The following EIF4B variants were observed in gnomAD, a reference collection of about 807,000 sequenced individuals.
EIF4B encodes the protein eukaryotic translation initiation factor 4B.
EIF4B carries 8 observed loss-of-function variants against 79.3 expected under a neutral mutation model. The ratio of observed to expected loss-of-function variants is 0.10; its 90% CI spans 0.06 to 0.18. The LOEUF is 0.18. EIF4B is among the 10% of genes least tolerant of loss of function. The pLI is 1.00. For missense variants in EIF4B, 515 were observed against 792.4 expected, an observed-to-expected ratio of 0.65 and a Z score of 4.20; for synonymous variants, 238 against 274.7, an observed-to-expected ratio of 0.87 and a Z score of 1.32.
At chr12:53,014,873 G>T (rs1212403411) in intron 1 of EIF4B, 2 of 152,190 alleles carry the variant, frequency 1.3e-5, no homozygotes, top group East Asian at 3.8e-4. Flanking sequence ...TATCAGGCCA[G>T]TTCTGGAACT....
At chr12:53,018,235 A>G (rs1943179510) in intron 2 of EIF4B, among the ~76,000 whole-genome samples, 1 of 152,192 alleles carries the variant, frequency 6.6e-6, no homozygotes, top group Admixed American at 6.5e-5. Context: ...GTGATCACCC[A>G]CCTTGGCCTC....
intron 6 of EIF4B, among the ~76,000 whole-genome samples, chr12:53,024,571 T>G (rs895081201): frequency 2.0e-5 from 3 of 152,252 alleles, no homozygotes; most frequent in Non-Finnish European, 4.4e-5. Context: ...TTCATAAGTT[T>G]GTTATAATGG....
At chr12:53,022,446 A>G in intron 5 of EIF4B, 47 bp from the exon 6 acceptor site, 1 of 1,602,930 alleles carries the variant, frequency 6.2e-7, no homozygotes, top group Non-Finnish European at 8.5e-7. Flanking sequence ...ATATTGGGCA[A>G]AGTTTTTATG....
chr12:53,034,472 A>G (rs1181386827), intron 9 of EIF4B, 140 bp from the exon 10 acceptor site: 11 of 809,794 alleles, frequency 1.4e-5, no homozygotes, highest in Non-Finnish European at 2.2e-5. Flanking sequence ...GTAGCTTTCA[A>G]ATAGTTTGAG....
intron 9 of EIF4B, 138 bp from the exon 10 acceptor site, chr12:53,034,474 T>C (rs564124953): frequency 2.8e-5 from 23 of 811,956 alleles, no homozygotes; most frequent in Non-Finnish European, 4.0e-5. Flanking sequence ...AGCTTTCAAA[T>C]AGTTTGAGGG....
intron 6 of EIF4B, among the ~76,000 whole-genome samples, chr12:53,027,025 C>T (rs1036434929): frequency 6.6e-6 from 1 of 151,088 alleles, no homozygotes; most frequent in Non-Finnish European, 1.5e-5. Context: ...TGTTACGGCT[C>T]AGGCCTATAA....
chr12:53,006,632 G>C (rs1942964606), intron 1 of EIF4B, 136 bp downstream of exon 1: 2 of 1,507,080 alleles, frequency 1.3e-6, no homozygotes, highest in East Asian at 2.3e-5. Context: ...GGCTGGCGGC[G>C]TGGCCCTGTT....
chr12:53,027,772 T>C lies in EIF4B; in HGVS notation c.668-10T>C, dbSNP rs1346728033. The C allele has an allele frequency of 5.0e-6, 8 of 1,610,530 alleles. No individual in the cohort carries two copies. In the East Asian group the frequency reaches 1.8e-4, roughly 36 times the overall value. ...AAAAGGGGATGGTGTTACTTGTCTG[T>C]TTCCTCTAGAGTATCGAGATCGTTA... On this transcript the variant is annotated splice_polypyrimidine_tract_variant and intron_variant, in intron 6 of 14. Transcript: ENST00000262056.
intron 11 of EIF4B, 24 bp downstream of exon 11, chr12:53,037,646 T>C: frequency 1.9e-6 from 3 of 1,611,798 alleles, no homozygotes; most frequent in Non-Finnish European, 2.5e-6. Context: ...GAAACAGTAG[T>C]TGGTTAACTG....
intron 9 of EIF4B, 95 bp downstream of exon 9, chr12:53,034,129 T>A (rs1186636226): frequency 7.8e-7 from 1 of 1,289,918 alleles, no homozygotes; most frequent in Non-Finnish European, 1.1e-6. Context: ...TGTGTCGTTA[T>A]CACATTAGTG....
intron 1 of EIF4B, among the ~76,000 whole-genome samples, chr12:53,006,723 C>G (rs1467578823): frequency 6.6e-6 from 1 of 151,646 alleles, no homozygotes; most frequent in Non-Finnish European, 1.5e-5. Context: ...CCTTTCTGCG[C>G]GAGATTGGAA....
intron 6 of EIF4B, among the ~76,000 whole-genome samples, chr12:53,024,778 C>T (rs1314376790): frequency 1.3e-5 from 2 of 152,154 alleles, no homozygotes; most frequent in Non-Finnish European, 2.9e-5. Flanking sequence ...GCCTCAGCCT[C>T]CTGAGTAGCT....
intron 1 of EIF4B, chr12:53,008,732 G>C (rs979363822): frequency 6.6e-6 from 1 of 152,106 alleles, no homozygotes; most frequent in African/African-American, 2.4e-5. Flanking sequence ...TCCTTGCTTT[G>C]CTTCTTAAAA....
intron 1 of EIF4B, chr12:53,013,713 G>C (rs891710486): frequency 2.6e-5 from 4 of 152,072 alleles, no homozygotes; most frequent in Admixed American, 6.6e-5. Context: ...CTTGAACCTG[G>C]GAGGCAGAGG....
chr12:53,019,014 T>C lies in EIF4B; in HGVS notation c.360+8T>C. 1 of 1,612,552 alleles carries C rather than the reference T, an allele frequency of 6.2e-7. No homozygotes were observed. Among genetic ancestry groups the C allele is most frequent in the Admixed American group, 1.7e-5 (1 of 59,930 alleles). On this transcript the variant is annotated splice_region_variant and intron_variant, in intron 3 of 14. Transcript: ENST00000262056. The stretch of plus-strand genomic sequence containing the variant: ...TTCTTTCGAGGATTAAATGTAAGTG[T>C]AAAAGTTGTAATAATTAACTAGATA...
intron 3 of EIF4B, among the ~76,000 whole-genome samples, chr12:53,019,429 A>ATTTTTTT (rs1555151897): frequency 5.0e-5 from 2 of 40,316 alleles, no homozygotes; most frequent in Non-Finnish European, 1.5e-4. Context: ...AAAATTATAT[A>ATTTTTTT]TATATATATT....
At chr12:53,040,034 T>C in intron 14 of EIF4B, 109 bp from the exon 15 acceptor site, 1 of 1,233,716 alleles carries the variant, frequency 8.1e-7, no homozygotes, top group Non-Finnish European at 1.2e-6. Context: ...AGCAAGTGGG[T>C]GTCATCTGAC....
At chr12:53,009,465 G>C (rs568538007) in intron 1 of EIF4B, among the ~76,000 whole-genome samples, 1 of 151,692 alleles carries the variant, frequency 6.6e-6, no homozygotes, top group East Asian at 1.9e-4. Flanking sequence ...ACTGCCCTCC[G>C]GCCTGGGCGA....
rs1943372011 is a variant in EIF4B, at chr12:53,028,123, G to A, written c.914G>A (p.Arg305Gln). 7 of 1,613,926 alleles carry A rather than the reference G, an allele frequency of 4.3e-6. No individual in the cohort carries two copies. Among genetic ancestry groups the A allele is most frequent in the African/African-American group, 1.3e-5 (1 of 74,914 alleles). ...GDRYEDRYDR[R>Q]DDRSWSSRDD... ...CGCTATGAAGACCGATATGACAGAC[G>A]GGATGATCGGTCGTGGAGCTCCAGA... Residue 305 changes from arginine to glutamine, a missense_variant, in exon 8 of 15, where the codon CGG (arginine) becomes CAG (glutamine). Arg to Gln is a conservative substitution (Grantham distance 43, BLOSUM62 1). Around this residue, in one of 6 missense-constraint regions of EIF4B, gnomAD observed 187 missense variants for 256.5 expected, o/e 0.73. Transcript: ENST00000262056.
Sources: allele counts gnomAD v4.1 joint callset (sites outside exome capture counted in the v4.1 genomes callset), GRCh38; gene constraint gnomAD v4.1.1; regional missense constraint gnomAD v4.1.1; transcripts MANE v1.5; gene names NCBI Gene and HGNC (gene_info 2026-07-23, HGNC 2026-07-21).